The following SCAI variants were observed in gnomAD, a reference collection of about 807,000 sequenced individuals.
SCAI encodes suppressor of cancer cell invasion, also known as protein SCAI.
A neutral mutation model predicts 92.2 loss-of-function variants in SCAI; 24 were observed. The observed-to-expected ratio is 0.26, with a 90% CI of 0.19 to 0.37. SCAI has a LOEUF of 0.37. Ranked by LOEUF, SCAI falls within the 10% of genes least tolerant of loss-of-function variation. The probability of loss-of-function intolerance (pLI) is 1.00; values close to 1 mark genes in which losing one functional copy is unlikely to be tolerated. For synonymous variants in SCAI, 261 were observed against 258.6 expected, an observed-to-expected ratio of 1.01 and a Z score of -0.09; for missense variants, 450 against 736.2, an observed-to-expected ratio of 0.61 and a Z score of 4.50.
rs1832973940 is a variant in SCAI, at chr9:125,026,805, T to C, written c.512+7A>G. On this transcript the variant is annotated splice_region_variant and intron_variant, in intron 6 of 17. Transcript: ENST00000336505. Reference sequence around the variant, plus strand: ...CTCATCTTTCTAAAAACATAGCAGATACATACCTGTCCTCTTTATTGACTT... The same window carrying C: ...CTCATCTTTCTAAAAACATAGCAGACACATACCTGTCCTCTTTATTGACTT... The C allele has an allele frequency of 1.5e-6, 2 of 1,361,450 alleles. No individual in the cohort carries two copies. Among genetic ancestry groups the C allele is most frequent in the Non-Finnish European group, 2.1e-6 (2 of 960,126 alleles). The allele number at this position is 1,361,450 out of a possible 1,614,324, so 84.3% of individuals were successfully genotyped here.
intron 3 of SCAI, among the ~76,000 whole-genome samples, chr9:125,037,013 A>G (rs1199162991): frequency 1.3e-5 from 2 of 152,106 alleles, no homozygotes; most frequent in East Asian, 3.9e-4. Context: ...TCACGCCTGT[A>G]ATCCCAGCAC....
Position 125,143,448 on chromosome 9 carries a change from C to T in SCAI, c.-11G>A, listed in dbSNP as rs1835721359. 1 of 1,359,548 alleles carries T rather than the reference C, an allele frequency of 7.4e-7. No individual in the cohort carries two copies. The highest frequency in any genetic ancestry group is 1.5e-5 in the African/African-American group (1 of 66,072). 84.2% of individuals were successfully genotyped at this position (1,359,548 alleles called of 1,614,324 possible). On this transcript the variant is annotated 5_prime_UTR_variant, in exon 1 of 18. Coordinates refer to ENST00000336505, the MANE Select transcript of SCAI (RefSeq NM_001144877.3). ...GGCTCCTCTGACCATCCGGCTCCTGCTCCGCCGCGGGAGCTGCTCCGGCGG... is the reference window on the plus strand; with the variant it reads ...GGCTCCTCTGACCATCCGGCTCCTGTTCCGCCGCGGGAGCTGCTCCGGCGG...
At chr9:124,969,280 A>G (rs937123474) in intron 17 of SCAI, among the ~76,000 whole-genome samples, 1 of 152,194 alleles carries the variant, frequency 6.6e-6, no homozygotes, top group African/African-American at 2.4e-5. Context: ...AAATTATCAT[A>G]ATAAAACAGA....
chr9:124,983,731 T>C (rs1831933797), intron 14 of SCAI, among the ~76,000 whole-genome samples: 1 of 152,222 alleles, frequency 6.6e-6, no homozygotes, highest in African/African-American at 2.4e-5. Context: ...AAATAAGTTA[T>C]ATAATATCAC....
At chr9:125,012,695 G>A (rs1281904438) in intron 9 of SCAI, among the ~76,000 whole-genome samples, 1 of 152,090 alleles carries the variant, frequency 6.6e-6, no homozygotes, top group Non-Finnish European at 1.5e-5. Flanking sequence ...GACATCTACA[G>A]AACTCTCCAC....
At chr9:124,992,889 T>C (rs1832164382) in intron 14 of SCAI, among the ~76,000 whole-genome samples, 1 of 152,186 alleles carries the variant, frequency 6.6e-6, no homozygotes, top group South Asian at 2.1e-4. Context: ...TACACAATGG[T>C]GTCTTTAAAA....
In SCAI at chr9:125,058,690, G is replaced by A. The variant is rs545937263; in HGVS notation, c.99-2683C>T. Among the ~76,000 whole-genome samples the A allele has an allele frequency of 6.9e-4, 105 of 152,162 alleles. 1 individual carries two copies. Among genetic ancestry groups the A allele is most frequent in the Non-Finnish European group, 1.3e-3 (88 of 68,020 alleles). On this transcript the variant is annotated intron_variant, in intron 2 of 17. Transcript: ENST00000336505. ...ATCTTCCCTCCCCAGTGGTATGAAC[G>A]TTTCTAGCACCTAACACTTGGCCCC... is the stretch of plus-strand genomic sequence containing the variant.
chr9:124,990,544 A>G (rs1832098109), intron 14 of SCAI, among the ~76,000 whole-genome samples: 1 of 152,180 alleles, frequency 6.6e-6, no homozygotes, highest in African/African-American at 2.4e-5. Context: ...TGTGGATAAA[A>G]TGATGGAAAG....
At chr9:125,094,667 A>G (rs977056840) in intron 2 of SCAI, among the ~76,000 whole-genome samples, 3 of 151,788 alleles carry the variant, frequency 2.0e-5, no homozygotes, top group Non-Finnish European at 4.4e-5. Flanking sequence ...ACGCCCAGCT[A>G]CTTTTTGTGT....
At chr9:125,126,444 T>G (rs1243865771) in intron 2 of SCAI, among the ~76,000 whole-genome samples, 2 of 143,764 alleles carry the variant, frequency 1.4e-5, no homozygotes, top group Non-Finnish European at 3.0e-5. Flanking sequence ...AGAACACACA[T>G]GCAAGGCAGA....
At chr9:125,086,218 T>A (rs1834323536) in intron 2 of SCAI, among the ~76,000 whole-genome samples, 1 of 152,182 alleles carries the variant, frequency 6.6e-6, no homozygotes. Context: ...TACAATAACC[T>A]CTTACTTAAA....
At chr9:125,074,553 T>C (rs2131169221) in intron 2 of SCAI, among the ~76,000 whole-genome samples, 1 of 151,004 alleles carries the variant, frequency 6.6e-6, no homozygotes, top group East Asian at 2.1e-4. Context: ...CCTGGCCTCA[T>C]TCTGCCTTAT....
intron 15 of SCAI, among the ~76,000 whole-genome samples, chr9:124,973,107 T>C (rs1299074272): frequency 6.6e-6 from 1 of 152,258 alleles, no homozygotes; most frequent in African/African-American, 2.4e-5. Flanking sequence ...AGTTTATTAA[T>C]GTTTCATATG....
chr9:124,958,055 T>C (rs1160079518), intron 17 of SCAI, among the ~76,000 whole-genome samples: 1 of 152,170 alleles, frequency 6.6e-6, no homozygotes, highest in Admixed American at 6.5e-5. Flanking sequence ...ATGCAAGACC[T>C]GTATGATAAA....
chr9:125,106,647 T>C (rs886558874), intron 2 of SCAI, among the ~76,000 whole-genome samples: 3 of 151,976 alleles, frequency 2.0e-5, no homozygotes, highest in Non-Finnish European at 1.5e-5. Flanking sequence ...AGGATTCAAG[T>C]TACAATCTCT....
intron 2 of SCAI, among the ~76,000 whole-genome samples, chr9:125,084,391 C>T (rs554025858): frequency 1.6e-4 from 25 of 151,970 alleles, no homozygotes; most frequent in African/African-American, 6.0e-4. Context: ...AGGATGGTCT[C>T]GATCTCTTGA....
chr9:125,007,912 C>A (rs569439786), intron 9 of SCAI, among the ~76,000 whole-genome samples: 24 of 147,086 alleles, frequency 1.6e-4, no homozygotes, highest in Middle Eastern at 4.1e-3. Context: ...GTGGTCTGAT[C>A]TCTGCTCACC....
chr9:124,978,372 C>T (rs888601382), intron 14 of SCAI, among the ~76,000 whole-genome samples: 2 of 152,144 alleles, frequency 1.3e-5, no homozygotes, highest in African/African-American at 2.4e-5. Context: ...ACCCGGGAAG[C>T]GGAGGCTGCA....
intron 2 of SCAI, among the ~76,000 whole-genome samples, chr9:125,059,935 T>C (rs1833740515): frequency 6.6e-6 from 1 of 152,192 alleles, no homozygotes; most frequent in Non-Finnish European, 1.5e-5. Flanking sequence ...TTTGTACACC[T>C]ACCAAATTTA....
Sources: gnomAD v4.1 joint callset for allele counts (sites outside exome capture counted in the v4.1 genomes callset) on GRCh38, gnomAD v4.1.1 for gene constraint, MANE v1.5 for transcripts, NCBI Gene and HGNC (gene_info 2026-07-23, HGNC 2026-07-21) for gene names.